The following DYNC2LI1 variants were observed in gnomAD, a reference collection of about 807,000 sequenced individuals.
DYNC2LI1 encodes the protein dynein cytoplasmic 2 light intermediate chain 1.
DYNC2LI1 carries 45 observed loss-of-function variants against 51.9 expected under a neutral mutation model. That is an observed-to-expected ratio of 0.87 (90% CI 0.68 to 1.11). The LOEUF is 1.11. Among genes scored for constraint, DYNC2LI1 ranks in the 50% most tolerant of loss-of-function variants. The probability of loss-of-function intolerance (pLI) is 0.00; values close to 1 mark genes in which losing one functional copy is unlikely to be tolerated. For synonymous variants in DYNC2LI1, 130 were observed against 137.8 expected, an observed-to-expected ratio of 0.94 and a Z score of 0.40; for missense variants, 490 against 417.4, an observed-to-expected ratio of 1.17 and a Z score of -1.51.
intron 2 of DYNC2LI1, among the ~76,000 whole-genome samples, chr2:43,780,249 G>A (rs922558150): frequency 1.3e-5 from 2 of 152,208 alleles, no homozygotes; most frequent in African/African-American, 4.8e-5. Flanking sequence ...GCTTCAAGAT[G>A]TAACCTTGGA....
intron 9 of DYNC2LI1, among the ~76,000 whole-genome samples, 169 bp downstream of exon 9, chr2:43,801,086 T>C (rs1666065364): frequency 6.7e-6 from 1 of 148,400 alleles, no homozygotes; most frequent in Non-Finnish European, 1.5e-5. Context: ...TTTATTTATT[T>C]TATTATTTAT....
the DYNC2LI1 span, chr2:43,825,136 T>A: frequency 8.1e-7 from 1 of 1,242,036 alleles, no homozygotes; most frequent in Admixed American, 2.0e-5. Context: ...CACCAAGTCC[T>A]TATGGGAAAT....
At chr2:43,806,424 T>G (rs565140662) in intron 12 of DYNC2LI1, among the ~76,000 whole-genome samples, 47 of 152,268 alleles carry the variant, frequency 3.1e-4, no homozygotes, top group African/African-American at 1.1e-3. Context: ...GTTGGAGAAG[T>G]AAGCAAAACA....
At chr2:43,824,290 T>C in the DYNC2LI1 span, 2 of 1,614,228 alleles carry the variant, frequency 1.2e-6, no homozygotes, top group African/African-American at 2.7e-5. Context: ...TTGGTAACGT[T>C]TTCAGGTGTT....
intron 12 of DYNC2LI1, among the ~76,000 whole-genome samples, chr2:43,806,494 A>C (rs1481287350): frequency 1.3e-5 from 2 of 152,220 alleles, no homozygotes; most frequent in African/African-American, 4.8e-5. Flanking sequence ...TAGAGGTTTT[A>C]TAGCTGTAGC....
intron 3 of DYNC2LI1, among the ~76,000 whole-genome samples, chr2:43,786,008 A>G (rs1673507219): frequency 6.6e-6 from 1 of 152,206 alleles, no homozygotes; most frequent in Non-Finnish European, 1.5e-5. Flanking sequence ...TATATACACC[A>G]TAAAACTGCT....
At chr2:43,815,421 T>C in the DYNC2LI1 span, among the ~76,000 whole-genome samples, 3,298 of 152,308 alleles carry the variant, frequency 0.022, 83 homozygotes, top group African/African-American at 0.062. Context: ...TATAAAAATA[T>C]ACAGTAGTGA....
the DYNC2LI1 span, chr2:43,826,414 T>C: frequency 6.2e-7 from 1 of 1,614,018 alleles, no homozygotes; most frequent in Admixed American, 1.7e-5. Context: ...TGGTGAATGG[T>C]GAGAACCACA....
the DYNC2LI1 span, chr2:43,828,232 C>A: frequency 2.2e-6 from 3 of 1,359,460 alleles, no homozygotes; most frequent in Non-Finnish European, 3.1e-6. Flanking sequence ...AGGGCCACTT[C>A]CAGACTCACC....
At chr2:43,819,066 ATAAT>A in the DYNC2LI1 span, among the ~76,000 whole-genome samples, 2 of 152,186 alleles carry the variant, frequency 1.3e-5, no homozygotes, top group South Asian at 2.1e-4. Flanking sequence ...TGAGAGTTAA[ATAAT>A]TAAACACACA....
chr2:43,797,759 C>T (rs1449130948), intron 8 of DYNC2LI1, among the ~76,000 whole-genome samples: 6 of 152,010 alleles, frequency 3.9e-5, no homozygotes, highest in East Asian at 3.9e-4. Flanking sequence ...ACCTCATGAT[C>T]GACCCTCCTC....
chr2:43,826,541 A>G, the DYNC2LI1 span: 1 of 1,614,200 alleles, frequency 6.2e-7, no homozygotes, highest in Admixed American at 1.7e-5. Flanking sequence ...AAGAAGGGCC[A>G]GACTTCTAAG....
At chr2:43,785,698 CA>C (rs557764042) in intron 3 of DYNC2LI1, among the ~76,000 whole-genome samples, 4 of 142,822 alleles carry the variant, frequency 2.8e-5, no homozygotes, top group East Asian at 3.9e-4. Context: ...TGTGCCACTG[CA>C]AAAAAAATAA....
the DYNC2LI1 span, chr2:43,819,873 C>A: frequency 5.0e-6 from 8 of 1,597,932 alleles, no homozygotes; most frequent in Admixed American, 8.3e-5. Flanking sequence ...TCATTAATAA[C>A]AGATTATCCC....
chr2:43,791,242 G>T (rs530091474), intron 5 of DYNC2LI1, among the ~76,000 whole-genome samples: 1 of 152,126 alleles, frequency 6.6e-6, no homozygotes, highest in Non-Finnish European at 1.5e-5. Context: ...GAGAGAGAGA[G>T]ATAGGGTGGG....
chr2:43,821,902 T>G, the DYNC2LI1 span, among the ~76,000 whole-genome samples: 15 of 152,192 alleles, frequency 9.9e-5, 1 homozygote, highest in African/African-American at 3.6e-4. Flanking sequence ...ACCCCATCTT[T>G]GAAAGTGTGA....
At chr2:43,823,995 A>T in the DYNC2LI1 span, 1 of 1,614,154 alleles carries the variant, frequency 6.2e-7, no homozygotes, top group Non-Finnish European at 8.5e-7. Flanking sequence ...CCTGGATAGC[A>T]CCCTTTAGCA....
intron 2 of DYNC2LI1, among the ~76,000 whole-genome samples, chr2:43,778,088 T>G (rs1673106008): frequency 6.6e-6 from 1 of 152,242 alleles, no homozygotes. Flanking sequence ...ACTTAATTCT[T>G]TAAAATAAAA....
At chr2:43,792,981 T>A in intron 5 of DYNC2LI1, 1 of 511,016 alleles carries the variant, frequency 2.0e-6, no homozygotes, top group Non-Finnish European at 3.1e-6. Context: ...ATTATCTGTT[T>A]AAATCTCTTC....
Sources: allele counts gnomAD v4.1 joint callset (sites outside exome capture counted in the v4.1 genomes callset), GRCh38; gene constraint gnomAD v4.1.1; transcripts MANE v1.5; gene names NCBI Gene and HGNC (gene_info 2026-07-23, HGNC 2026-07-21).